MYO3A: variants seen among roughly 807,000 people sequenced by gnomAD.
The protein encoded by MYO3A is myosin-IIIa.
MYO3A carries 180 observed loss-of-function variants against 192.7 expected under a neutral mutation model. The observed-to-expected ratio is 0.93, with a 90% CI of 0.83 to 1.06. The LOEUF (loss-of-function observed/expected upper bound fraction) is 1.06, where lower values mean the gene tolerates loss of function less well. MYO3A is among the 50% of genes least tolerant of loss of function. The pLI is 0.00. For missense variants in MYO3A, 1,896 were observed against 1,905.0 expected, an observed-to-expected ratio of 1.00 and a Z score of 0.09; for synonymous variants, 628 against 645.3, an observed-to-expected ratio of 0.97 and a Z score of 0.41.
At position 26,068,794 on chromosome 10, in the gene MYO3A, G is replaced by C. The variant is rs397517293; in HGVS notation, c.1080G>C (p.Lys360Asn). 16 of 1,591,498 alleles carry C rather than the reference G, an allele frequency of 1.0e-5. No homozygotes were observed. Among genetic ancestry groups the C allele is most frequent in the Admixed American group, 1.7e-5 (1 of 59,940 alleles). The part of the protein sequence containing the change: ...DENTVSEQLE[K>N]CYSRDQIYVY... Reference sequence around the variant, plus strand: ...ATACAGTCTCAGAGCAACTTGAGAAGTGTTATTCCAGAGATCAGATCTACG... The same window carrying C: ...ATACAGTCTCAGAGCAACTTGAGAACTGTTATTCCAGAGATCAGATCTACG... Residue 360 changes from lysine (K) to asparagine (N), a missense_variant, in exon 12 of 35, where the codon AAG becomes AAC. Physicochemically the swap from Lys to Asn is moderately conservative, Grantham distance 94. Transcript: ENST00000642920.
At chr10:26,119,004 C>T (rs923855690) in intron 17 of MYO3A, among the ~76,000 whole-genome samples, 3 of 152,208 alleles carry the variant, frequency 2.0e-5, no homozygotes, top group African/African-American at 4.8e-5. Flanking sequence ...TCTTACTGCA[C>T]TGTTCCTCCT....
At chr10:25,998,875 C>A (rs893106759) in intron 6 of MYO3A, among the ~76,000 whole-genome samples, 2 of 151,990 alleles carry the variant, frequency 1.3e-5, no homozygotes, top group Admixed American at 1.3e-4. Context: ...ACAAATAAGG[C>A]AACCTTTTAT....
intron 32 of MYO3A, among the ~76,000 whole-genome samples, chr10:26,194,388 T>G (rs1298649005): frequency 6.6e-6 from 1 of 152,152 alleles, no homozygotes; most frequent in Non-Finnish European, 1.5e-5. Flanking sequence ...CGAGCCATAG[T>G]GAACTGCTTG....
intron 15 of MYO3A, among the ~76,000 whole-genome samples, chr10:26,092,317 T>A (rs1469007518): frequency 6.6e-6 from 1 of 151,918 alleles, no homozygotes; most frequent in Non-Finnish European, 1.5e-5. Flanking sequence ...ATACAAAAAA[T>A]TAGCCAGGTG....
intron 32 of MYO3A, 56 bp from the exon 33 acceptor site, chr10:26,201,209 C>G (rs1018314438): frequency 5.6e-6 from 5 of 892,886 alleles, no homozygotes; most frequent in Non-Finnish European, 8.1e-6. Context: ...AGTTATATAT[C>G]CATTATATTA....
intron 20 of MYO3A, among the ~76,000 whole-genome samples, chr10:26,139,961 A>G: frequency 6.6e-6 from 1 of 152,196 alleles, no homozygotes; most frequent in South Asian, 2.1e-4. Flanking sequence ...AATCAGTTTT[A>G]AGATGTAATA....
intron 8 of MYO3A, 148 bp downstream of exon 8, chr10:26,021,796 G>T: frequency 9.2e-7 from 1 of 1,087,658 alleles, no homozygotes. Context: ...TGCTTCTTCT[G>T]AGACATTGTA....
At chr10:26,074,261 A>G (rs987526708) in intron 14 of MYO3A, among the ~76,000 whole-genome samples, 3 of 152,152 alleles carry the variant, frequency 2.0e-5, no homozygotes, top group African/African-American at 7.2e-5. Context: ...GAGGCTGCAT[A>G]GTTCAAAACA....
chr10:26,185,485 G>A (rs2051084), intron 31 of MYO3A, among the ~76,000 whole-genome samples: 44,084 of 151,240 alleles, frequency 0.29, 6,902 homozygotes, highest in African/African-American at 0.42. Context: ...GATTACAGGC[G>A]TGTGCCACCA....
chr10:26,187,076 G>A (rs2132115432), intron 31 of MYO3A, among the ~76,000 whole-genome samples: 1 of 152,196 alleles, frequency 6.6e-6, no homozygotes, highest in South Asian at 2.1e-4. Context: ...AGAAGTATAT[G>A]AATATCTACT....
chr10:26,152,973 T>G (rs1418390435), intron 23 of MYO3A, among the ~76,000 whole-genome samples: 1 of 152,192 alleles, frequency 6.6e-6, no homozygotes, highest in Admixed American at 6.5e-5. Context: ...CCAAAAACAT[T>G]CAGCCTCTAC....
chr10:25,967,630 G>A (rs989157122), intron 4 of MYO3A, among the ~76,000 whole-genome samples: 3 of 152,158 alleles, frequency 2.0e-5, no homozygotes, highest in African/African-American at 4.8e-5. Flanking sequence ...AGTCAATAGA[G>A]TCAGACCCAG....
At chr10:26,068,389 T>C (rs1834985391) in intron 11 of MYO3A, among the ~76,000 whole-genome samples, 1 of 152,202 alleles carries the variant, frequency 6.6e-6, no homozygotes, top group Admixed American at 6.5e-5. Context: ...CTGGATCACC[T>C]TGATTTGGAA....
At chr10:26,201,935 T>C (rs1843694673) in intron 33 of MYO3A, among the ~76,000 whole-genome samples, 1 of 152,204 alleles carries the variant, frequency 6.6e-6, no homozygotes, top group Non-Finnish European at 1.5e-5. Context: ...AACATACCTG[T>C]ATTCATGAAT....
At chr10:26,204,678 T>A (rs1843829347) in intron 34 of MYO3A, among the ~76,000 whole-genome samples, 1 of 152,256 alleles carries the variant, frequency 6.6e-6, no homozygotes, top group Non-Finnish European at 1.5e-5. Flanking sequence ...CCAGAATTTC[T>A]AAGTTTAGAG....
chr10:26,008,667 A>C (rs1841401866), intron 6 of MYO3A, among the ~76,000 whole-genome samples: 1 of 151,696 alleles, frequency 6.6e-6, no homozygotes, highest in African/African-American at 2.4e-5. Flanking sequence ...GCAAATCAAA[A>C]CCACAATCAG....
intron 31 of MYO3A, among the ~76,000 whole-genome samples, chr10:26,178,717 C>T (rs1028501142): frequency 2.0e-5 from 3 of 152,134 alleles, no homozygotes; most frequent in African/African-American, 7.2e-5. Flanking sequence ...AGTCTGAAGA[C>T]AGTAGGAATT....
chr10:26,186,565 C>G (rs1361278577), intron 31 of MYO3A, among the ~76,000 whole-genome samples: 1 of 152,134 alleles, frequency 6.6e-6, no homozygotes, highest in East Asian at 1.9e-4. Context: ...TGCGCCCAGC[C>G]AATATTCTTC....
intron 27 of MYO3A, 118 bp downstream of exon 27, chr10:26,166,296 C>A (rs1322583654): frequency 4.5e-6 from 4 of 880,038 alleles, no homozygotes; most frequent in Non-Finnish European, 7.4e-6. Flanking sequence ...CTATAACTTA[C>A]AATAGAGGAA....
Sources: allele counts gnomAD v4.1 joint callset (sites outside exome capture counted in the v4.1 genomes callset), GRCh38; gene constraint gnomAD v4.1.1; transcripts MANE v1.5; gene names NCBI Gene and HGNC (gene_info 2026-07-23, HGNC 2026-07-21).